Variants in PPP2R5A observed in about 807,000 individuals in gnomAD.
PPP2R5A encodes the protein serine/threonine-protein phosphatase 2A 56 kDa regulatory subunit alpha isoform.
In PPP2R5A, 25 loss-of-function variants were observed where a neutral mutation model predicts 64.2. The observed-to-expected ratio is 0.39, with a 90% CI of 0.28 to 0.54. PPP2R5A has a LOEUF of 0.54. PPP2R5A is among the 20% of genes least tolerant of loss of function. The pLI, the probability that PPP2R5A is intolerant of heterozygous loss-of-function variation, is 0.67. For missense variants in PPP2R5A, 425 were observed against 576.3 expected (o/e 0.74, Z 2.69); for synonymous variants, 198 against 201.2 (o/e 0.98, Z 0.13).
intron 3 of PPP2R5A, among the ~76,000 whole-genome samples, chr1:212,335,721 T>C (rs1328457009): frequency 2.0e-5 from 3 of 152,210 alleles, no homozygotes; most frequent in African/African-American, 7.2e-5. Context: ...TTAATAGAAC[T>C]GTACACAAGT....
chr1:212,294,138 A>T (rs1658651371), intron 1 of PPP2R5A, among the ~76,000 whole-genome samples: 1 of 152,126 alleles, frequency 6.6e-6, no homozygotes, highest in Admixed American at 6.6e-5. Flanking sequence ...CAGAACGCAG[A>T]TTTTAAAAAA....
At chr1:212,359,697 T>C (rs1660046402) in intron 12 of PPP2R5A, among the ~76,000 whole-genome samples, 1 of 152,196 alleles carries the variant, frequency 6.6e-6, no homozygotes, top group Non-Finnish European at 1.5e-5. Flanking sequence ...GTTATGGTTA[T>C]CTTAAAGTAG....
Position 212,348,450 on chromosome 1 carries a change from C to A in PPP2R5A, c.826C>A (p.Leu276Ile). 1 of 1,609,644 alleles carries A rather than the reference C, an allele frequency of 6.2e-7. No homozygotes were observed. The highest frequency in any genetic ancestry group is 1.1e-5 in the South Asian group (1 of 90,888). Residue 276 changes from leucine to isoleucine, a missense_variant, in exon 7 of 13, where the codon CTT becomes ATT. Leu to Ile is a conservative substitution (Grantham distance 5, BLOSUM62 2). Coordinates refer to ENST00000261461, the MANE Select transcript of PPP2R5A (RefSeq NM_006243.4). ...AEHKQFLMKV[L>I]IPMHTAKGLA... The stretch of plus-strand genomic sequence containing the variant: ...ACATAAACAATTTCTAATGAAGGTT[C>A]TTATTCCTATGCATACTGCAAAAGG...
At chr1:212,347,542 CTTTT>C (rs11290098) in intron 6 of PPP2R5A, 136 bp downstream of exon 6, 41 of 479,464 alleles carry the variant, frequency 8.6e-5, no homozygotes, top group Middle Eastern at 6.1e-4. Context: ...CAACTGAAGT[CTTTT>C]TTTTTTTTTT....
At chr1:212,345,406 T>C (rs1659758828) in intron 4 of PPP2R5A, among the ~76,000 whole-genome samples, 1 of 152,218 alleles carries the variant, frequency 6.6e-6, no homozygotes, top group Non-Finnish European at 1.5e-5. Context: ...TAAGACTATT[T>C]GATGACTTGC....
intron 1 of PPP2R5A, among the ~76,000 whole-genome samples, chr1:212,289,972 C>T (rs1010330931): frequency 3.3e-5 from 5 of 152,036 alleles, no homozygotes; most frequent in African/African-American, 7.2e-5. Context: ...TTTTACCAAG[C>T]GAAGAAATCA....
At chr1:212,287,653 TG>T (rs1176166053) in intron 1 of PPP2R5A, among the ~76,000 whole-genome samples, 1 of 152,230 alleles carries the variant, frequency 6.6e-6, no homozygotes, top group Non-Finnish European at 1.5e-5. Flanking sequence ...ATATAAAAAT[TG>T]TTAAAATTTA....
rs779233052 is a variant in PPP2R5A, at chr1:212,360,660, C to T, written c.1351C>T (p.Arg451Cys). 2.5e-6 allele frequency: 4 copies of T among 1,571,060 alleles called. No individual in the cohort carries two copies. Among genetic ancestry groups the T allele is most frequent in the Non-Finnish European group, 3.4e-6 (4 of 1,162,546 alleles). The stretch of plus-strand genomic sequence containing the variant: ...CAGAGAGAAAAAGAAGGAATTGGAA[C>T]GTGAAGAATTATGGAAAAAATTAGA... ...RQREKKKELEREELWKKLEEL... is the reference protein window; with the variant it reads ...RQREKKKELECEELWKKLEEL... Residue 451 changes from arginine to cysteine, a missense_variant, in exon 13 of 13, where the codon CGT (arginine) becomes TGT (cysteine). By Grantham distance (180) the Arg-to-Cys change is radical (BLOSUM62 -3). Transcript: ENST00000261461.
rs3070963 is a variant in PPP2R5A, at chr1:212,305,035, A to ATTTTT, written c.181+18761_181+18765dup. On this transcript the variant is annotated intron_variant, in intron 1 of 12. Transcript: ENST00000261461. ...TGGGAGCTGCCACACCCGGCCCCCAATTTTTTTTTTTTTTTTTTTTTGAGA... is the reference window on the plus strand; with the variant it reads ...TGGGAGCTGCCACACCCGGCCCCCAATTTTTTTTTTTTTTTTTTTTTTTTTTGAGA... Among the ~76,000 whole-genome samples, 30 of 107,936 alleles carry ATTTTT rather than the reference A, an allele frequency of 2.8e-4. No individual in the cohort carries two copies. In the East Asian group the frequency reaches 4.1e-3, roughly 15 times the overall value. 70.8% of individuals were successfully genotyped at this position (107,936 alleles called of 152,430 possible).
intron 1 of PPP2R5A, among the ~76,000 whole-genome samples, chr1:212,294,315 T>C (rs1658654044): frequency 6.6e-6 from 1 of 152,218 alleles, no homozygotes; most frequent in Admixed American, 6.5e-5. Context: ...GTTTTTGTTA[T>C]AACTCCTGAA....
chr1:212,286,165 G>A lies in PPP2R5A; in HGVS notation c.55G>A (p.Glu19Lys). The change falls in exon 1 of 13, where the codon GAG (glutamate) becomes AAG (lysine). Residue 19 changes from glutamate (E) to lysine (K), a missense_variant. Glu to Lys is a moderately conservative substitution (Grantham distance 56, BLOSUM62 1). This residue lies in a region of PPP2R5A where 104 missense variants were observed against 95.7 expected (regional missense o/e 1.09). Transcript: ENST00000261461. ...GAASAAISAS[E>K]KVDGFTRKSV... ...TGCCAGCGCCGCCATCTCGGCCTCG[G>A]AGAAAGTGGACGGCTTCACCCGGAA... 1 of 1,591,566 alleles carries A rather than the reference G, an allele frequency of 6.3e-7. No homozygotes were observed. The highest frequency in any genetic ancestry group is 1.4e-5 in the African/African-American group (1 of 74,028).
At chr1:212,360,126 A>T (rs188453564) in intron 12 of PPP2R5A, among the ~76,000 whole-genome samples, 1 of 152,336 alleles carries the variant, frequency 6.6e-6, no homozygotes, top group East Asian at 1.9e-4. Context: ...TTCTAGAGAA[A>T]GATTACTGAA....
chr1:212,321,231 G>T (rs1191573053), intron 1 of PPP2R5A, among the ~76,000 whole-genome samples: 3 of 142,968 alleles, frequency 2.1e-5, no homozygotes, highest in South Asian at 4.5e-4. Flanking sequence ...GCGGCTGGCC[G>T]GGCAGAGGGG....
In PPP2R5A at chr1:212,313,281, G is replaced by A. The variant is rs529180011; in HGVS notation, c.182-15854G>A. 3.9e-5 allele frequency among the ~76,000 whole-genome samples: 6 copies of A among 152,274 alleles called. No individual in the cohort carries two copies. The South Asian group carries it at 1.2e-3, about 32-fold the overall frequency. On this transcript the variant is annotated intron_variant, in intron 1 of 12. Coordinates refer to ENST00000261461, the MANE Select transcript of PPP2R5A (RefSeq NM_006243.4). ...TTTGTTCAGTTTTTAGTAGTTTACA[G>A]TGGAAAGGATAGTCTTCTGGAAGAA...
chr1:212,357,318 T>A, intron 11 of PPP2R5A, 34 bp downstream of exon 11: 1 of 461,268 alleles, frequency 2.2e-6, no homozygotes, highest in Non-Finnish European at 3.0e-6. Flanking sequence ...TATTTTTTTC[T>A]TTTTTTTTTT....
At chr1:212,350,927 CAGG>C (rs1659864280) in intron 8 of PPP2R5A, among the ~76,000 whole-genome samples, 1 of 148,866 alleles carries the variant, frequency 6.7e-6, no homozygotes, top group South Asian at 2.1e-4. Context: ...CACCTCAGGT[CAGG>C]AGTTCAAGAT....
intron 3 of PPP2R5A, among the ~76,000 whole-genome samples, chr1:212,337,515 A>G (rs892568560): frequency 6.6e-6 from 1 of 152,156 alleles, no homozygotes; most frequent in Admixed American, 6.5e-5. Context: ...ACACCTTTAC[A>G]TTCAAATAAC....
At chr1:212,293,831 A>G (rs1307790696) in intron 1 of PPP2R5A, among the ~76,000 whole-genome samples, 4 of 152,030 alleles carry the variant, frequency 2.6e-5, no homozygotes, top group Admixed American at 2.6e-4. Flanking sequence ...TATCTAGTTG[A>G]GCTTTCCAGT....
chr1:212,286,388 C>A (rs1212879687), intron 1 of PPP2R5A, 97 bp downstream of exon 1: 21 of 1,311,320 alleles, frequency 1.6e-5, no homozygotes, highest in Non-Finnish European at 1.7e-5. Flanking sequence ...TTCTCCTGCT[C>A]AGTTGGGACT....
Sources: allele counts gnomAD v4.1 joint callset (sites outside exome capture counted in the v4.1 genomes callset), GRCh38; gene constraint gnomAD v4.1.1; regional missense constraint gnomAD v4.1.1; transcripts MANE v1.5; gene names NCBI Gene and HGNC (gene_info 2026-07-23, HGNC 2026-07-21).